The following COG5 variants were observed in gnomAD, a reference collection of about 807,000 sequenced individuals.
COG5 encodes the protein component of oligomeric golgi complex 5, also known as conserved oligomeric Golgi complex subunit 5.
In COG5, 86 loss-of-function variants were observed where a neutral mutation model predicts 110.4. That is an observed-to-expected ratio of 0.78 (90% CI 0.65 to 0.93). The LOEUF is 0.93. Ranked by LOEUF, COG5 falls within the 40% of genes least tolerant of loss-of-function variation. The pLI, the probability that COG5 is intolerant of heterozygous loss-of-function variation, is 0.00. For synonymous variants in COG5, 360 were observed against 334.6 expected, an observed-to-expected ratio of 1.08 and a Z score of -0.83; for missense variants, 1,077 against 987.0, an observed-to-expected ratio of 1.09 and a Z score of -1.22.
At chr7:107,365,585 T>C (rs1375578670) in intron 8 of COG5, among the ~76,000 whole-genome samples, 1 of 86,042 alleles carries the variant, frequency 1.2e-5, no homozygotes, top group African/African-American at 4.9e-5. Context: ...ATGTTCAACA[T>C]TGCAAAATGA....
intron 6 of COG5, among the ~76,000 whole-genome samples, chr7:107,490,462 G>C (rs1797914033): frequency 6.6e-6 from 1 of 152,092 alleles, no homozygotes; most frequent in Non-Finnish European, 1.5e-5. Context: ...TGATGTAATG[G>C]GGGATGGGGA....
intron 14 of COG5, among the ~76,000 whole-genome samples, chr7:107,279,459 A>T (rs1243034080): frequency 6.6e-6 from 1 of 152,200 alleles, no homozygotes. Flanking sequence ...TTCTTCCACT[A>T]AAGACTTACA....
intron 7 of COG5, among the ~76,000 whole-genome samples, chr7:107,395,254 G>A (rs1035157446): frequency 3.9e-5 from 6 of 152,086 alleles, no homozygotes; most frequent in African/African-American, 9.7e-5. Context: ...GAAAGGGTGG[G>A]GTGGAAAGAA....
intron 19 of COG5, among the ~76,000 whole-genome samples, chr7:107,224,170 G>A (rs376781348): frequency 2.0e-5 from 3 of 152,180 alleles, no homozygotes; most frequent in South Asian, 2.1e-4. Flanking sequence ...ATCCACAAGC[G>A]GAAAGAAAAG....
At chr7:107,521,618 A>T (rs1458277894) in intron 6 of COG5, among the ~76,000 whole-genome samples, 2 of 152,236 alleles carry the variant, frequency 1.3e-5, no homozygotes, top group Non-Finnish European at 2.9e-5. Flanking sequence ...GCAATTACTA[A>T]AAAGTCAAGA....
At chr7:107,219,977 A>C (rs1799796627) in intron 19 of COG5, among the ~76,000 whole-genome samples, 1 of 152,212 alleles carries the variant, frequency 6.6e-6, no homozygotes, top group Non-Finnish European at 1.5e-5. Context: ...TTCTTCTAAA[A>C]ATCCTATGAG....
chr7:107,272,085 T>C (rs1804321375), intron 14 of COG5, among the ~76,000 whole-genome samples: 1 of 152,110 alleles, frequency 6.6e-6, no homozygotes, highest in South Asian at 2.1e-4. Flanking sequence ...CTCTTTAAAA[T>C]CTATTAGAGC....
intron 6 of COG5, among the ~76,000 whole-genome samples, chr7:107,444,133 A>G (rs1479660576): frequency 6.6e-6 from 1 of 152,164 alleles, no homozygotes; most frequent in African/African-American, 2.4e-5. Flanking sequence ...CTTAATCTTC[A>G]AAACGGGGAT....
chr7:107,221,648 C>T (rs1381342681), intron 19 of COG5, among the ~76,000 whole-genome samples: 1 of 151,576 alleles, frequency 6.6e-6, no homozygotes, highest in Non-Finnish European at 1.5e-5. Context: ...GCCTGTAGTC[C>T]CAGCCACTCG....
intron 21 of COG5, chr7:107,208,876 T>C (rs943757024): frequency 2.0e-5 from 20 of 985,342 alleles, no homozygotes; most frequent in Non-Finnish European, 2.4e-5. Flanking sequence ...CATAGCTTCC[T>C]CAGCAGTCTT....
chr7:107,432,282 C>G (rs553204512), intron 6 of COG5, among the ~76,000 whole-genome samples: 30 of 152,258 alleles, frequency 2.0e-4, no homozygotes, highest in African/African-American at 6.7e-4. Flanking sequence ...AAAATAACTG[C>G]TCTGTAGTAA....
intron 6 of COG5, among the ~76,000 whole-genome samples, chr7:107,416,042 A>ACACATACACG (rs1202479902): frequency 6.6e-6 from 1 of 150,528 alleles, no homozygotes; most frequent in African/African-American, 2.4e-5. Context: ...GTATATATAA[A>ACACATACACG]TAGCAACATT....
intron 2 of COG5, among the ~76,000 whole-genome samples, chr7:107,554,860 A>AT (rs1803192022): frequency 1.3e-5 from 2 of 152,160 alleles, no homozygotes; most frequent in Non-Finnish European, 2.9e-5. Flanking sequence ...CATATTGGAG[A>AT]TTAAGTTTCA....
chr7:107,286,722 C>T (rs944441498), intron 12 of COG5, among the ~76,000 whole-genome samples: 1 of 152,102 alleles, frequency 6.6e-6, no homozygotes, highest in African/African-American at 2.4e-5. Context: ...TTGTTTTTTT[C>T]CCTCTTACAA....
At chr7:107,276,005 C>A (rs1175759644) in intron 14 of COG5, among the ~76,000 whole-genome samples, 1 of 152,116 alleles carries the variant, frequency 6.6e-6, no homozygotes, top group Non-Finnish European at 1.5e-5. Flanking sequence ...ACCTTAGTGT[C>A]TAGAACTATT....
intron 6 of COG5, among the ~76,000 whole-genome samples, chr7:107,503,114 C>T (rs796350534): frequency 3.3e-5 from 5 of 152,224 alleles, no homozygotes; most frequent in African/African-American, 1.2e-4. Flanking sequence ...AGGTTTTCTC[C>T]TACGGTTTGT....
chr7:107,243,737 C>T (rs1221728553), intron 17 of COG5, among the ~76,000 whole-genome samples: 4 of 151,318 alleles, frequency 2.6e-5, no homozygotes, highest in Non-Finnish European at 5.9e-5. Context: ...ATCACCACGT[C>T]ACATACACTA....
chr7:107,503,956 CT>C (rs35003802), intron 6 of COG5, among the ~76,000 whole-genome samples: 86,941 of 151,900 alleles, frequency 0.57, 26,591 homozygotes, highest in African/African-American at 0.8. Flanking sequence ...GTTTGACTTT[CT>C]TTTTCCAATT....
At chr7:107,237,613 T>A (rs1160649051) in intron 17 of COG5, among the ~76,000 whole-genome samples, 1 of 152,198 alleles carries the variant, frequency 6.6e-6, no homozygotes, top group Non-Finnish European at 1.5e-5. Flanking sequence ...GTGGTTACTA[T>A]AAATAGGATG....
Sources: allele counts gnomAD v4.1 joint callset (sites outside exome capture counted in the v4.1 genomes callset), GRCh38; gene constraint gnomAD v4.1.1; transcripts MANE v1.5; gene names NCBI Gene and HGNC (gene_info 2026-07-23, HGNC 2026-07-21).